The following LRRTM4 variants were observed in gnomAD, a reference collection of about 807,000 sequenced individuals.
The protein encoded by LRRTM4 is leucine rich repeat transmembrane neuronal 4, also known as leucine-rich repeat transmembrane neuronal protein 4.
A neutral mutation model predicts 47.6 loss-of-function variants in LRRTM4; 25 were observed. The observed-to-expected ratio is 0.53, with a 90% confidence interval of 0.38 to 0.73. The LOEUF (loss-of-function observed/expected upper bound fraction) is 0.73. LRRTM4 is among the 30% of genes least tolerant of loss of function. LRRTM4 has a pLI of 0.00. For synonymous variants in LRRTM4, 311 were observed against 269.5 expected, an observed-to-expected ratio of 1.15 and a Z score of -1.51; for missense variants, 638 against 713.4, an observed-to-expected ratio of 0.89 and a Z score of 1.20.
At chr2:77,503,892 A>T (rs914109286) in intron 3 of LRRTM4, among the ~76,000 whole-genome samples, 1 of 151,704 alleles carries the variant, frequency 6.6e-6, no homozygotes, top group Non-Finnish European at 1.5e-5. Context: ...AAATGTGGTG[A>T]TGATGAAGTC....
chr2:77,066,910 G>A (rs994378691), intron 3 of LRRTM4, among the ~76,000 whole-genome samples: 12 of 152,284 alleles, frequency 7.9e-5, no homozygotes, highest in South Asian at 2.1e-4. Context: ...CAGAGAGAGC[G>A]GGGCTGAATC....
At chr2:76,869,458 C>T (rs753398133) in intron 3 of LRRTM4, among the ~76,000 whole-genome samples, 5 of 152,050 alleles carry the variant, frequency 3.3e-5, no homozygotes, top group Non-Finnish European at 7.4e-5. Context: ...CTGATAAATG[C>T]AGACTGGCAA....
At chr2:77,511,813 A>G (rs895347893) in intron 3 of LRRTM4, among the ~76,000 whole-genome samples, 25 of 152,088 alleles carry the variant, frequency 1.6e-4, no homozygotes, top group African/African-American at 6.0e-4. Context: ...TTATGTTTAC[A>G]ATATTATAAT....
chr2:77,075,914 C>CAAAAAAAAAAAAAAAAAAAAA (rs61718845), intron 3 of LRRTM4, among the ~76,000 whole-genome samples: 2 of 36,856 alleles, frequency 5.4e-5, no homozygotes, highest in African/African-American at 1.7e-4. Flanking sequence ...GACTCCGTCT[C>CAAAAAAAAAAAAAAAAAAAAA]AAAAAAAAAA....
At chr2:77,071,700 TTTC>T (rs1214925846) in intron 3 of LRRTM4, among the ~76,000 whole-genome samples, 2 of 152,226 alleles carry the variant, frequency 1.3e-5, no homozygotes, top group Non-Finnish European at 2.9e-5. Flanking sequence ...TCTAAATTGT[TTTC>T]TTGTTTAATA....
chr2:76,892,401 T>G (rs1427017821), intron 3 of LRRTM4, among the ~76,000 whole-genome samples: 1 of 151,776 alleles, frequency 6.6e-6, no homozygotes, highest in Admixed American at 6.6e-5. Flanking sequence ...ATTACTATTA[T>G]TTTAGAAACA....
chr2:76,925,895 G>C (rs17013359), intron 3 of LRRTM4, among the ~76,000 whole-genome samples: 16,790 of 152,118 alleles, frequency 0.11, 1,300 homozygotes, highest in East Asian at 0.42. Context: ...ATCCTAAAAA[G>C]AGTAAAACAT....
In LRRTM4 at chr2:76,872,421, T is replaced by C. The variant is rs17333359; in HGVS notation, c.1552-123505A>G. Among the ~76,000 whole-genome samples, 797 of 152,088 alleles carry C rather than the reference T, an allele frequency of 5.2e-3. 4 individuals carry two copies. Among genetic ancestry groups the C allele is most frequent in the Non-Finnish European group, 9.6e-3 (655 of 67,972 alleles). Reference sequence around the variant, plus strand: ...AGTGCTACTCCCTACTTGGCTATATTGCTCTCTTTTTGAAGTGCTCAGATA... The same window carrying C: ...AGTGCTACTCCCTACTTGGCTATATCGCTCTCTTTTTGAAGTGCTCAGATA... On this transcript the variant is annotated intron_variant, in intron 3 of 3. Coordinates refer to ENST00000409884, the MANE Select transcript of LRRTM4 (RefSeq NM_001134745.3).
Position 77,519,749 on chromosome 2 carries a change from A to G in LRRTM4, c.120T>C (p.Cys40=). 2 of 1,613,346 alleles carry G rather than the reference A, an allele frequency of 1.2e-6. No homozygotes were observed. Among genetic ancestry groups the G allele is most frequent in the Non-Finnish European group, 1.7e-6 (2 of 1,179,560 alleles). Residue 40 remains cysteine (C), a synonymous_variant, in exon 3 of 4, where the codon TGT becomes TGC. Transcript: ENST00000409884. This position sits in a 1 kb window ranked among gnomAD's most constrained non-coding sequence, Gnocchi z 4.6. ...AQRACPKNCR[C]DGKIVYCESH... ...ACTCACAGTACACAATTTTGCCATC[A>G]CATCTGCAGTTCTTTGGGCAAGCTC...
intron 3 of LRRTM4, among the ~76,000 whole-genome samples, chr2:76,910,320 G>T (rs181946462): frequency 3.6e-4 from 50 of 140,718 alleles, no homozygotes; most frequent in African/African-American, 1.3e-3. Flanking sequence ...CACAGGAAGG[G>T]GAACATCACA....
intron 3 of LRRTM4, among the ~76,000 whole-genome samples, chr2:76,927,459 G>A (rs894821356): frequency 6.6e-6 from 1 of 152,086 alleles, no homozygotes; most frequent in Admixed American, 6.6e-5. Context: ...TAAAGCAGAT[G>A]CCATACATAA....
chr2:77,163,513 A>T (rs1249271870), intron 3 of LRRTM4, among the ~76,000 whole-genome samples: 3 of 152,190 alleles, frequency 2.0e-5, no homozygotes. Flanking sequence ...CAACTCCAAG[A>T]CACGTAATTG....
intron 3 of LRRTM4, among the ~76,000 whole-genome samples, chr2:76,898,986 A>G (rs932239857): frequency 3.7e-4 from 56 of 152,108 alleles, no homozygotes; most frequent in Admixed American, 5.9e-4. Context: ...GTTCTCTTTG[A>G]TTAATTTACA....
intron 3 of LRRTM4, among the ~76,000 whole-genome samples, chr2:76,846,271 C>A (rs980519948): frequency 6.6e-6 from 1 of 152,104 alleles, no homozygotes; most frequent in African/African-American, 2.4e-5. Flanking sequence ...CCAAGGGCTG[C>A]CCTGCACTTG....
At chr2:77,348,878 A>C (rs1671662388) in intron 3 of LRRTM4, among the ~76,000 whole-genome samples, 1 of 151,858 alleles carries the variant, frequency 6.6e-6, no homozygotes, top group South Asian at 2.1e-4. Context: ...ATCTTACATC[A>C]ACAAATTAAT....
intron 3 of LRRTM4, among the ~76,000 whole-genome samples, chr2:76,834,425 T>A (rs924997052): frequency 6.6e-6 from 1 of 152,088 alleles, no homozygotes; most frequent in African/African-American, 2.4e-5. Context: ...TTTCAAGATA[T>A]ACGTTACTCT....
chr2:77,311,622 G>A (rs1677459932), intron 3 of LRRTM4, among the ~76,000 whole-genome samples: 1 of 152,144 alleles, frequency 6.6e-6, no homozygotes, highest in Admixed American at 6.5e-5. Context: ...ATATATGAAA[G>A]GTTGTATGAA....
chr2:76,989,829 A>G (rs1426917321), intron 3 of LRRTM4: 1 of 151,788 alleles, frequency 6.6e-6, no homozygotes, highest in African/African-American at 2.4e-5. Context: ...AGTATTTAAG[A>G]TTTGGTTTAC....
intron 3 of LRRTM4, among the ~76,000 whole-genome samples, chr2:77,008,827 A>G (rs955819806): frequency 2.8e-4 from 43 of 151,468 alleles, no homozygotes; most frequent in African/African-American, 1.0e-3. Flanking sequence ...CTAGTAGCTT[A>G]TTACTTTTTC....
Sources: allele counts gnomAD v4.1 joint callset (sites outside exome capture counted in the v4.1 genomes callset), GRCh38; gene constraint gnomAD v4.1.1; non-coding constraint Gnocchi (gnomAD v3.1); transcripts MANE v1.5; gene names NCBI Gene and HGNC (gene_info 2026-07-23, HGNC 2026-07-21).